The following TIMM17A variants were observed in gnomAD, a reference collection of about 807,000 sequenced individuals.
TIMM17A encodes mitochondrial import inner membrane translocase subunit Tim17-A.
TIMM17A carries 15 observed loss-of-function variants against 26.5 expected under a neutral mutation model. The ratio of observed to expected loss-of-function variants is 0.57; its 90% CI spans 0.38 to 0.87. TIMM17A has a LOEUF of 0.87. Ranked by LOEUF, TIMM17A falls within the 40% of genes least tolerant of loss-of-function variation. TIMM17A has a pLI of 0.00. For missense variants in TIMM17A, 201 were observed against 210.0 expected, an observed-to-expected ratio of 0.96 and a Z score of 0.27; for synonymous variants, 80 against 70.8, an observed-to-expected ratio of 1.13 and a Z score of -0.66.
intron 3 of TIMM17A, among the ~76,000 whole-genome samples, chr1:201,959,216 C>T (rs1377870579): frequency 6.6e-6 from 1 of 152,168 alleles, no homozygotes; most frequent in African/African-American, 2.4e-5. Flanking sequence ...ATTAGCTGGG[C>T]CCGGTGGTGC....
At chr1:201,959,521 G>A (rs942157777) in intron 3 of TIMM17A, among the ~76,000 whole-genome samples, 2 of 151,104 alleles carry the variant, frequency 1.3e-5, no homozygotes, top group African/African-American at 2.4e-5. Flanking sequence ...GGGCATGGTG[G>A]CACGTGCCTG....
rs150053059 is a variant in TIMM17A, at chr1:201,957,571, G to A, written c.187G>A (p.Gly63Arg). The change falls in exon 3 of 6, where the codon GGA becomes AGA. Residue 63 changes from glycine to arginine, a missense_variant. Gly to Arg is a moderately radical substitution (Grantham distance 125, BLOSUM62 -2). Coordinates refer to ENST00000367287, the MANE Select transcript of TIMM17A (RefSeq NM_006335.3). ...TATTAAAACCAGGGCTCCACAGTTA[G>A]GAGGTAAGCAGAATTTTCATTTTAA... ...TAIKTRAPQL[G>R]GSFAVWGGLF... 1.2e-6 allele frequency: 2 copies of A among 1,611,402 alleles called. No homozygotes were observed. Among genetic ancestry groups the A allele is most frequent in the African/African-American group, 2.7e-5 (2 of 74,774 alleles).
chr1:201,955,677 CTG>C, intron 1 of TIMM17A, 125 bp downstream of exon 1: 3 of 1,315,402 alleles, frequency 2.3e-6, no homozygotes, highest in Non-Finnish European at 3.2e-6. Flanking sequence ...GGCCTGGTAA[CTG>C]GGCAATGCGG....
rs1682711328 is a variant in TIMM17A, at chr1:201,970,342, T to C, written c.*788T>C. The C allele has an allele frequency of 6.6e-6, 1 of 152,264 alleles. No individual in the cohort carries two copies. The highest frequency in any genetic ancestry group is 6.5e-5 in the Admixed American group (1 of 15,282). 9.4% of individuals were successfully genotyped at this position (152,264 alleles called of 1,614,324 possible). A position where few individuals can be genotyped will look rare whatever the true frequency, so the allele number is the denominator to read the frequency against. On this transcript the variant is annotated 3_prime_UTR_variant, in exon 6 of 6. Transcript: ENST00000367287. ...GCTTGAAAATAAAGTATGTACTGTT[T>C]TGAATGTGTTCCAAGTCCTCTGCAT...
intron 5 of TIMM17A, among the ~76,000 whole-genome samples, chr1:201,967,499 C>G (rs1037259163): frequency 1.1e-5 from 1 of 88,252 alleles, no homozygotes; most frequent in Non-Finnish European, 2.6e-5. Context: ...AGGCTTTTTT[C>G]CTCAGAGGGA....
At chr1:201,956,511 T>A (rs957761509) in intron 1 of TIMM17A, among the ~76,000 whole-genome samples, 2 of 152,230 alleles carry the variant, frequency 1.3e-5, no homozygotes, top group East Asian at 3.8e-4. Context: ...TAGGGTCTCC[T>A]GGCTCTTCAA....
intron 3 of TIMM17A, among the ~76,000 whole-genome samples, chr1:201,961,964 G>C (rs1682541576): frequency 6.6e-6 from 1 of 151,834 alleles, no homozygotes; most frequent in African/African-American, 2.4e-5. Flanking sequence ...CTAAAACCTT[G>C]TTCTCGGGTG....
At chr1:201,956,955 CAA>C (rs769517453) in intron 1 of TIMM17A, among the ~76,000 whole-genome samples, 10 of 61,592 alleles carry the variant, frequency 1.6e-4, no homozygotes, top group Non-Finnish European at 2.1e-4. Context: ...GACTCCATCT[CAA>C]AAAAAAAAAA....
In TIMM17A at chr1:201,963,683, G is replaced by A. The variant is rs756101030; in HGVS notation, c.258G>A (p.Lys86=). The A allele has an allele frequency of 3.1e-6, 5 of 1,611,650 alleles. No homozygotes were observed. Among genetic ancestry groups the A allele is most frequent in the Non-Finnish European group, 4.2e-6 (5 of 1,179,374 alleles). The change falls in exon 4 of 6, where the codon AAG becomes AAA. Residue 86 remains lysine, a synonymous_variant. Coordinates refer to ENST00000367287, the MANE Select transcript of TIMM17A (RefSeq NM_006335.3). The stretch of plus-strand genomic sequence containing the variant: ...GTAGTATGGTTCAAGTCAGAGGAAA[G>A]GAAGATCCCTGGAACTCCATCACAA... ...IDCSMVQVRG[K]EDPWNSITSG... is the part of the protein sequence containing the mutation.
intron 5 of TIMM17A, 136 bp downstream of exon 5, chr1:201,965,679 T>TA: frequency 3.0e-6 from 2 of 664,532 alleles, no homozygotes; most frequent in South Asian, 2.0e-5. Flanking sequence ...TGATAATAGG[T>TA]AAAAAATGAA....
intron 3 of TIMM17A, chr1:201,957,880 G>A (rs1682459181): frequency 8.0e-6 from 2 of 249,510 alleles, no homozygotes; most frequent in East Asian, 2.2e-4. Flanking sequence ...GCTCACGCCT[G>A]TAATCCCAGC....
At chr1:201,956,547 C>T (rs1682413548) in intron 1 of TIMM17A, among the ~76,000 whole-genome samples, 1 of 152,212 alleles carries the variant, frequency 6.6e-6, no homozygotes, top group Admixed American at 6.5e-5. Context: ...AGCAGTTATC[C>T]TCCATTCTGG....
Position 201,965,474 on chromosome 1 carries a change from A to G in TIMM17A, c.361A>G (p.Ile121Val). ...GGTTGGGTCAGCCGCAATGGGTGGC[A>G]TTCTCCTAGCTTTAATTGAAGGAGC... ...AMVGSAAMGG[I>V]LLALIEGAGI... Residue 121 changes from isoleucine to valine, a missense_variant, in exon 5 of 6, where the codon ATT becomes GTT. Transcript: ENST00000367287. 1 of 1,614,220 alleles carries G rather than the reference A, an allele frequency of 6.2e-7. No individual in the cohort carries two copies. Among genetic ancestry groups the G allele is most frequent in the Non-Finnish European group, 8.5e-7 (1 of 1,180,024 alleles).
At chr1:201,959,594 C>T (rs1442712992) in intron 3 of TIMM17A, among the ~76,000 whole-genome samples, 3 of 152,120 alleles carry the variant, frequency 2.0e-5, no homozygotes, top group African/African-American at 7.2e-5. Flanking sequence ...GTGGAGGTTG[C>T]AGTGAGCCAA....
At chr1:201,964,651 T>A (rs866214140) in intron 4 of TIMM17A, among the ~76,000 whole-genome samples, 41,426 of 117,042 alleles carry the variant, frequency 0.35, 6,049 homozygotes, top group South Asian at 0.49. Flanking sequence ...TTTTTTTTTT[T>A]TTTTTTTTTT....
In TIMM17A at chr1:201,957,225, A is replaced by G. The variant is rs980622666; in HGVS notation, c.27-56A>G. ...TATAATCCTTACTGTATTGGCAAAG[A>G]AGATTTTATGGTTTGTGAATGAGAA... On this transcript the variant is annotated intron_variant, in intron 1 of 5. Coordinates refer to ENST00000367287, the MANE Select transcript of TIMM17A (RefSeq NM_006335.3). The G allele has an allele frequency of 2.6e-6, 3 of 1,164,854 alleles. No homozygotes were observed. In the African/African-American group the frequency reaches 4.6e-5, roughly 18 times the overall value. 72.2% of individuals were successfully genotyped at this position (1,164,854 alleles called of 1,614,324 possible).
At chr1:201,959,577 C>G (rs1247721253) in intron 3 of TIMM17A, among the ~76,000 whole-genome samples, 2 of 152,112 alleles carry the variant, frequency 1.3e-5, no homozygotes, top group South Asian at 4.2e-4. Flanking sequence ...TCGCTTGAAC[C>G]CAGGAGGTGG....
chr1:201,964,928 G>A (rs1199620169), intron 4 of TIMM17A, among the ~76,000 whole-genome samples: 3 of 149,396 alleles, frequency 2.0e-5, no homozygotes, highest in East Asian at 2.0e-4. Context: ...GATTACGGGC[G>A]TGAGCCACTG....
At chr1:201,969,429 T>C (rs1682693072) in intron 5 of TIMM17A, 40 bp from the exon 6 acceptor site, 5 of 1,441,238 alleles carry the variant, frequency 3.5e-6, no homozygotes, top group African/African-American at 2.8e-5. Context: ...TAATATAATA[T>C]TCAGGTGATT....
Sources: allele counts gnomAD v4.1 joint callset (sites outside exome capture counted in the v4.1 genomes callset), GRCh38; gene constraint gnomAD v4.1.1; transcripts MANE v1.5; gene names NCBI Gene and HGNC (gene_info 2026-07-23, HGNC 2026-07-21).